The following NUP155 variants were observed in gnomAD, a reference collection of about 807,000 sequenced individuals.
NUP155 encodes nuclear pore complex protein Nup155.
NUP155 carries 71 observed loss-of-function variants against 180.4 expected under a neutral mutation model. That is an observed-to-expected ratio of 0.39 (90% CI 0.33 to 0.48). The LOEUF is 0.48. NUP155 is among the 20% of genes least tolerant of loss of function. The probability of loss-of-function intolerance (pLI) is 0.91; values close to 1 mark genes in which losing one functional copy is unlikely to be tolerated. For synonymous variants in NUP155, 582 were observed against 559.5 expected, an observed-to-expected ratio of 1.04 and a Z score of -0.57; for missense variants, 1,553 against 1,648.9, an observed-to-expected ratio of 0.94 and a Z score of 1.01.
chr5:37,334,649 G>A (rs1400061987), intron 12 of NUP155, among the ~76,000 whole-genome samples: 1 of 152,110 alleles, frequency 6.6e-6, no homozygotes, highest in East Asian at 1.9e-4. Context: ...TTTCCAAAGT[G>A]CTAGGATTAC....
intron 32 of NUP155, among the ~76,000 whole-genome samples, chr5:37,295,337 C>G (rs544170219): frequency 9.2e-5 from 14 of 152,332 alleles, no homozygotes; most frequent in East Asian, 5.8e-4. Context: ...ACGGAGTCTC[C>G]TTCACTCAGT....
At chr5:37,314,480 A>T (rs1743750382) in intron 21 of NUP155, 152 bp from the exon 22 acceptor site, 1 of 636,558 alleles carries the variant, frequency 1.6e-6, no homozygotes, top group Non-Finnish European at 2.8e-6. Context: ...TTATGTTATT[A>T]TCTTCTCCGT....
In NUP155 at chr5:37,296,395, T is replaced by C. The variant is rs570128047; in HGVS notation, c.3794-1930A>G. Among the ~76,000 whole-genome samples, 6 of 152,170 alleles carry C rather than the reference T, an allele frequency of 3.9e-5. No individual in the cohort carries two copies. In the East Asian group the frequency reaches 9.6e-4, roughly 24 times the overall value. Reference sequence around the variant, plus strand: ...ACCTTACCCCCAACCCTGTGCTCTCTGAAACATGTGCTGTGTCCACTCAGG... The same window carrying C: ...ACCTTACCCCCAACCCTGTGCTCTCCGAAACATGTGCTGTGTCCACTCAGG... On this transcript the variant is annotated intron_variant, in intron 32 of 34. Transcript: ENST00000231498.
intron 4 of NUP155, among the ~76,000 whole-genome samples, chr5:37,356,015 A>C (rs1255468420): frequency 3.9e-5 from 6 of 151,908 alleles, no homozygotes; most frequent in Non-Finnish European, 7.4e-5. Context: ...GGATCACCTG[A>C]GGTCGGGAGT....
At chr5:37,337,705 A>C (rs936887394) in intron 12 of NUP155, 113 bp downstream of exon 12, 1 of 655,678 alleles carries the variant, frequency 1.5e-6, no homozygotes, top group Non-Finnish European at 2.7e-6. Context: ...ATAATTTCTA[A>C]TAATACGTTA....
chr5:37,327,993 T>C (rs963430566), intron 17 of NUP155, among the ~76,000 whole-genome samples: 10 of 152,140 alleles, frequency 6.6e-5, no homozygotes, highest in African/African-American at 2.4e-4. Flanking sequence ...AGAAGAGAGA[T>C]TTAAATGTGG....
chr5:37,347,332 A>G (rs1464576448), intron 9 of NUP155, among the ~76,000 whole-genome samples: 1 of 122,650 alleles, frequency 8.2e-6, no homozygotes, highest in Non-Finnish European at 1.5e-5. Context: ...TGCCAGGAAA[A>G]ACACGTCAAG....
At chr5:37,300,523 T>C (rs1371153481) in intron 30 of NUP155, among the ~76,000 whole-genome samples, 1 of 152,216 alleles carries the variant, frequency 6.6e-6, no homozygotes, top group Non-Finnish European at 1.5e-5. Flanking sequence ...TGGAACTATG[T>C]CTAAGAATAA....
intron 3 of NUP155, among the ~76,000 whole-genome samples, chr5:37,359,978 C>G (rs967083877): frequency 2.0e-5 from 3 of 152,026 alleles, no homozygotes; most frequent in African/African-American, 7.2e-5. Flanking sequence ...ATTAGCCAGG[C>G]ATGGTGTCCC....
chr5:37,295,634 G>C (rs1196921136), intron 32 of NUP155, among the ~76,000 whole-genome samples: 1 of 144,184 alleles, frequency 6.9e-6, no homozygotes, highest in East Asian at 2.0e-4. Flanking sequence ...TCCCATCTAG[G>C]AAGTGAGGAG....
intron 25 of NUP155, among the ~76,000 whole-genome samples, chr5:37,305,954 T>C (rs9687825): frequency 0.13 from 20,162 of 152,024 alleles, 1,396 homozygotes; most frequent in African/African-American, 0.17. Context: ...TACCTAAGTA[T>C]ATACAAGGAT....
Position 37,370,934 on chromosome 5 carries a change from G to A in NUP155, c.44C>T (p.Ser15Phe), listed in dbSNP as rs147865299. The change falls in exon 1 of 35, where the codon TCT becomes TTT. Residue 15 changes from serine to phenylalanine, a missense_variant. Coordinates refer to ENST00000231498, the MANE Select transcript of NUP155 (RefSeq NM_153485.3). ...LLGAAMPAST[S>F]AAALQEALEN... ...CAGAGCTTCCTGCAGGGCTGCGGCAGATGTAGAGGCCGGCATCGCCGCGCC... is the reference window on the plus strand; with the variant it reads ...CAGAGCTTCCTGCAGGGCTGCGGCAAATGTAGAGGCCGGCATCGCCGCGCC... The A allele has an allele frequency of 6.0e-4, 962 of 1,614,158 alleles. 6 individuals carry two copies. In the African/African-American group the frequency reaches 0.011, roughly 19 times the overall value.
At chr5:37,362,007 T>C (rs1416887022) in intron 3 of NUP155, among the ~76,000 whole-genome samples, 1 of 152,206 alleles carries the variant, frequency 6.6e-6, no homozygotes, top group Non-Finnish European at 1.5e-5. Flanking sequence ...GATAGCCATC[T>C]ATGAACATTG....
intron 4 of NUP155, among the ~76,000 whole-genome samples, chr5:37,357,366 C>T (rs1300166512): frequency 1.6e-5 from 2 of 124,890 alleles, no homozygotes; most frequent in Non-Finnish European, 3.1e-5. Context: ...CACTGCACTC[C>T]AGCCCGGGTG....
In NUP155 at chr5:37,314,356, T is replaced by C. The variant is rs781144183; in HGVS notation, c.2306-28A>G. Reference sequence around the variant, plus strand: ...AATGAGAAAACAAAATAAATTATTATAAAATAACATAGGTTAAGTTGCTTT... The same window carrying C: ...AATGAGAAAACAAAATAAATTATTACAAAATAACATAGGTTAAGTTGCTTT... On this transcript the variant is annotated intron_variant, in intron 21 of 34. Coordinates refer to ENST00000231498, the MANE Select transcript of NUP155 (RefSeq NM_153485.3). 6.7e-6 allele frequency: 10 copies of C among 1,499,324 alleles called. No homozygotes were observed. In the East Asian group the frequency reaches 1.4e-4, roughly 21 times the overall value. The allele number at this position is 1,499,324 out of a possible 1,614,324, so 92.9% of individuals were successfully genotyped here. A position where few individuals can be genotyped will look rare whatever the true frequency, so the allele number is the denominator to read the frequency against.
intron 20 of NUP155, among the ~76,000 whole-genome samples, chr5:37,322,921 C>T (rs1161732248): frequency 1.3e-5 from 2 of 149,562 alleles, no homozygotes; most frequent in South Asian, 2.1e-4. Flanking sequence ...TGCAGTGAGC[C>T]GAGATTGCAC....
intron 18 of NUP155, 143 bp downstream of exon 18, chr5:37,327,486 T>C (rs1162265470): frequency 2.3e-5 from 18 of 793,780 alleles, no homozygotes; most frequent in East Asian, 5.3e-5. Flanking sequence ...ACTGGAATAA[T>C]AGAAAAGTTT....
intron 20 of NUP155, among the ~76,000 whole-genome samples, chr5:37,319,804 A>C (rs1744127141): frequency 6.6e-6 from 1 of 152,106 alleles, no homozygotes. Flanking sequence ...CTGGGAGGTC[A>C]AAGTTGCGGT....
At chr5:37,332,513 C>A (rs177811) in intron 13 of NUP155, among the ~76,000 whole-genome samples, 3 of 151,396 alleles carry the variant, frequency 2.0e-5, no homozygotes, top group Non-Finnish European at 2.9e-5. Context: ...TTAGTAAAGA[C>A]GGGGTTTCAC....
Sources: gnomAD v4.1 joint callset for allele counts (sites outside exome capture counted in the v4.1 genomes callset) on GRCh38, gnomAD v4.1.1 for gene constraint, MANE v1.5 for transcripts, NCBI Gene and HGNC (gene_info 2026-07-23, HGNC 2026-07-21) for gene names.